Variants in EHMT1 observed in about 807,000 individuals in gnomAD.
EHMT1 encodes the protein histone-lysine N-methyltransferase EHMT1.
In EHMT1, 15 loss-of-function variants were observed where a neutral mutation model predicts 147.2. That is an observed-to-expected ratio of 0.10 (90% CI 0.07 to 0.16). EHMT1 has a LOEUF of 0.16. Among genes scored for constraint, EHMT1 ranks in the 10% least tolerant of loss-of-function variants. The probability of loss-of-function intolerance (pLI) is 1.00; values close to 1 mark genes in which losing one functional copy is unlikely to be tolerated. For missense variants in EHMT1, 1,587 were observed against 1,772.4 expected (o/e 0.90, Z 1.88); for synonymous variants, 795 against 709.6 (o/e 1.12, Z -1.91).
In EHMT1 at chr9:137,641,846, A is replaced by G. The variant is rs1229501225; in HGVS notation, c.21+22797A>G. ...AGATCACATTTTTTTTTTTTTTGAC[A>G]TGGAGTCTCGCTCTGTCACCCAGGC... is the stretch of plus-strand genomic sequence containing the variant. On this transcript the variant is annotated intron_variant, in intron 1 of 26. Coordinates refer to ENST00000460843, the MANE Select transcript of EHMT1 (RefSeq NM_024757.5). 2.0e-5 allele frequency among the ~76,000 whole-genome samples: 3 copies of G among 150,320 alleles called. No individual in the cohort carries two copies. In the East Asian group the frequency reaches 5.8e-4, roughly 29 times the overall value.
Position 137,827,762 on chromosome 9 carries a change from C to CG in EHMT1, c.3541-6585dup, listed in dbSNP as rs199512369. 3.7e-3 allele frequency among the ~76,000 whole-genome samples: 565 copies of CG among 151,766 alleles called. 17 individuals carry two copies. In the East Asian group the frequency reaches 0.085, roughly 23 times the overall value. ...CTGGGATCCTGCCCACCCGCCCTCCCGGTCCTTACCTTCTTTAGGCCTTTG... is the reference window on the plus strand; with the variant it reads ...CTGGGATCCTGCCCACCCGCCCTCCCGGGTCCTTACCTTCTTTAGGCCTTTG... On this transcript the variant is annotated intron_variant, in intron 25 of 26. Transcript: ENST00000460843.
At chr9:137,651,269 A>ATT (rs975659976) in intron 1 of EHMT1, among the ~76,000 whole-genome samples, 9 of 152,150 alleles carry the variant, frequency 5.9e-5, no homozygotes, top group Non-Finnish European at 1.2e-4. Context: ...ATAAAGTCTA[A>ATT]TTTATCCCTT....
At chr9:137,800,619 C>T (rs1013498457) in intron 17 of EHMT1, 126 of 536,304 alleles carry the variant, frequency 2.3e-4, no homozygotes, top group Admixed American at 1.9e-4. Context: ...CGGGCAAGGC[C>T]GACAGCACAG....
intron 18 of EHMT1, among the ~76,000 whole-genome samples, chr9:137,808,389 C>T (rs1247212370): frequency 3.3e-5 from 5 of 152,154 alleles, no homozygotes; most frequent in East Asian, 1.9e-4. Context: ...CTCACAGACT[C>T]GCCTCTCAGG....
In EHMT1 at chr9:137,710,746, T is replaced by TTCTG. The variant is rs564230061; in HGVS notation, c.22-219_22-218insTGTC. On this transcript the variant is annotated intron_variant, in intron 1 of 26. Coordinates refer to ENST00000460843, the MANE Select transcript of EHMT1 (RefSeq NM_024757.5). Reference sequence around the variant, plus strand: ...GCGTTCTTATTGTTAAGAAACTGTCTTCAAAAATAGAAATACAGGAGAAGT... The same window carrying TTCTG: ...GCGTTCTTATTGTTAAGAAACTGTCTTCTGTCAAAAATAGAAATACAGGAGAAGT... 2.0e-4 allele frequency among the ~76,000 whole-genome samples: 30 copies of TTCTG among 152,326 alleles called. No homozygotes were observed. In the South Asian group the frequency reaches 5.8e-3, roughly 29 times the overall value.
chr9:137,644,792 G>T (rs1349871542), intron 1 of EHMT1, among the ~76,000 whole-genome samples: 1 of 152,078 alleles, frequency 6.6e-6, no homozygotes, highest in Non-Finnish European at 1.5e-5. Flanking sequence ...CATTTATTTT[G>T]TGTTTTAATT....
rs187327364 is a variant in EHMT1, at chr9:137,791,126, C to G, written c.2505+156C>G. On this transcript the variant is annotated intron_variant, in intron 16 of 26. Coordinates refer to ENST00000460843, the MANE Select transcript of EHMT1 (RefSeq NM_024757.5). The stretch of plus-strand genomic sequence containing the variant: ...AGTTCCTTCATCTCACTTTGGTTAC[C>G]TGGTTTATTATTAAAAACTACTAGT... 5.3e-5 allele frequency among the ~76,000 whole-genome samples: 8 copies of G among 152,272 alleles called. No individual in the cohort carries two copies. The East Asian group carries it at 1.5e-3, about 29-fold the overall frequency.
chr9:137,788,253 T>A, intron 15 of EHMT1: 1 of 449,442 alleles, frequency 2.2e-6, no homozygotes, highest in Admixed American at 3.8e-5. Context: ...TAGCAGGGAC[T>A]GCATGCTGAA....
intron 1 of EHMT1, among the ~76,000 whole-genome samples, chr9:137,707,835 C>G (rs1212985668): frequency 6.6e-6 from 1 of 152,174 alleles, no homozygotes; most frequent in Non-Finnish European, 1.5e-5. Context: ...CCTGTAGACC[C>G]CGGCAGCCTC....
chr9:137,823,710 C>A (rs1056818407), intron 25 of EHMT1, among the ~76,000 whole-genome samples: 1 of 152,216 alleles, frequency 6.6e-6, no homozygotes, highest in Non-Finnish European at 1.5e-5. Context: ...CACGCCCGGC[C>A]CAACGCCTGG....
intron 1 of EHMT1, among the ~76,000 whole-genome samples, chr9:137,671,511 C>CTTT (rs1186165877): frequency 2.1e-5 from 3 of 142,922 alleles, no homozygotes; most frequent in Non-Finnish European, 4.5e-5. Flanking sequence ...GAGTTGGATC[C>CTTT]TTTTCTTTCT....
intron 3 of EHMT1, among the ~76,000 whole-genome samples, chr9:137,724,319 C>T (rs369819530): frequency 9.2e-5 from 14 of 152,128 alleles, no homozygotes; most frequent in East Asian, 3.9e-4. Context: ...GAAGGGGCCT[C>T]CCGCCCCCAC....
At chr9:137,754,870 G>C (rs1282899543) in intron 8 of EHMT1, among the ~76,000 whole-genome samples, 1 of 152,174 alleles carries the variant, frequency 6.6e-6, no homozygotes, top group Non-Finnish European at 1.5e-5. Context: ...GCCCGCATGG[G>C]TGACTGGAAC....
At chr9:137,753,172 A>G (rs1297462562) in intron 7 of EHMT1, among the ~76,000 whole-genome samples, 1 of 152,056 alleles carries the variant, frequency 6.6e-6, no homozygotes, top group Non-Finnish European at 1.5e-5. Flanking sequence ...AAAGCTCGGC[A>G]AGTTTGGGTC....
chr9:137,724,922 T>G (rs575802430), intron 3 of EHMT1, among the ~76,000 whole-genome samples: 3,577 of 105,636 alleles, frequency 0.034, 145 homozygotes, highest in African/African-American at 0.16. Context: ...GGCATTCGTG[T>G]GGCAGGCTTG....
At chr9:137,832,451 TCTCC>T (rs1278627071) in intron 25 of EHMT1, among the ~76,000 whole-genome samples, 1 of 116,582 alleles carries the variant, frequency 8.6e-6, no homozygotes, top group Non-Finnish European at 1.8e-5. Context: ...GATTGGCTGG[TCTCC>T]CTCAGGCCCC....
intron 18 of EHMT1, chr9:137,802,793 T>C (rs1564791858): frequency 8.1e-7 from 1 of 1,231,328 alleles, no homozygotes; most frequent in East Asian, 3.2e-5. Flanking sequence ...CTGCAGGGCT[T>C]CCATGACTGT....
chr9:137,655,006 T>G (rs897938633), intron 1 of EHMT1, among the ~76,000 whole-genome samples: 1 of 151,834 alleles, frequency 6.6e-6, no homozygotes, highest in Admixed American at 6.6e-5. Context: ...TTCTTTTCTT[T>G]TTTTTTTTCG....
chr9:137,806,494 G>A (rs1360963389), intron 18 of EHMT1, among the ~76,000 whole-genome samples: 1 of 151,700 alleles, frequency 6.6e-6, no homozygotes, highest in Non-Finnish European at 1.5e-5. Context: ...GAGTGCAGTG[G>A]TGCTATCTTG....
Sources: allele counts gnomAD v4.1 joint callset (sites outside exome capture counted in the v4.1 genomes callset), GRCh38; gene constraint gnomAD v4.1.1; transcripts MANE v1.5; gene names NCBI Gene and HGNC (gene_info 2026-07-23, HGNC 2026-07-21).